Variants in IMPG1 observed in about 807,000 individuals in gnomAD.
The protein encoded by IMPG1 is interphotoreceptor matrix proteoglycan 1.
In IMPG1, 85 loss-of-function variants were observed where a neutral mutation model predicts 92.0. The ratio of observed to expected loss-of-function variants is 0.92; its 90% CI spans 0.78 to 1.11. The LOEUF (loss-of-function observed/expected upper bound fraction) is 1.11, where lower values mean the gene tolerates loss of function less well. IMPG1 is among the 50% of genes least tolerant of loss of function. IMPG1 has a pLI of 0.00. For missense variants in IMPG1, 1,022 were observed against 956.0 expected, an observed-to-expected ratio of 1.07 and a Z score of -0.91; for synonymous variants, 367 against 334.1, an observed-to-expected ratio of 1.10 and a Z score of -1.08.
chr6:76,004,251 C>G (rs190644616), intron 10 of IMPG1, among the ~76,000 whole-genome samples: 26 of 152,164 alleles, frequency 1.7e-4, no homozygotes, highest in African/African-American at 6.3e-4. Context: ...TTATCTAAAC[C>G]ATTAGGGATA....
chr6:76,011,498 C>T (rs1473943111), intron 7 of IMPG1, among the ~76,000 whole-genome samples: 13 of 152,090 alleles, frequency 8.5e-5, no homozygotes, highest in Admixed American at 8.5e-4. Context: ...TAGTTCTGAT[C>T]TGCTCTTACG....
chr6:76,052,895 T>C (rs1784066164), intron 1 of IMPG1, among the ~76,000 whole-genome samples: 1 of 152,152 alleles, frequency 6.6e-6, no homozygotes, highest in Admixed American at 6.6e-5. Context: ...TACACTAAGA[T>C]TGTCAACCAG....
intron 12 of IMPG1, among the ~76,000 whole-genome samples, chr6:75,992,109 G>C (rs1372537930): frequency 6.6e-6 from 1 of 152,250 alleles, no homozygotes; most frequent in Non-Finnish European, 1.5e-5. Flanking sequence ...ATAGGAAAAA[G>C]ACTGATGTCT....
intron 12 of IMPG1, among the ~76,000 whole-genome samples, chr6:75,954,852 G>A (rs992294883): frequency 1.3e-5 from 2 of 152,088 alleles, no homozygotes; most frequent in Admixed American, 6.6e-5. Context: ...TTTCCCAACA[G>A]CATTTATTAA....
chr6:76,052,932 C>T (rs969673963), intron 1 of IMPG1, among the ~76,000 whole-genome samples: 2 of 152,102 alleles, frequency 1.3e-5, no homozygotes, highest in Non-Finnish European at 2.9e-5. Context: ...TACATGGCTG[C>T]CTAGTTTTCA....
chr6:75,993,880 G>A (rs923441216), intron 12 of IMPG1, among the ~76,000 whole-genome samples: 1 of 152,274 alleles, frequency 6.6e-6, no homozygotes. Context: ...GCGCTCAATA[G>A]GTTTGTCCTA....
Position 76,005,471 on chromosome 6 carries a change from G to T in IMPG1, c.951C>A (p.Ser317Arg), listed in dbSNP as rs1053873773. Residue 317 changes from serine to arginine, a missense_variant, in exon 10 of 17, where the codon AGC (serine) becomes AGA (arginine). Ser to Arg is a moderately radical substitution (Grantham distance 110, BLOSUM62 -1). Coordinates refer to ENST00000369950, the MANE Select transcript of IMPG1 (RefSeq NM_001563.4). Reference protein sequence around the residue: ...IFKRHSAEAKSPASDLLSFDS... With the variant: ...IFKRHSAEAKRPASDLLSFDS... ...CAAAAGACAGGAGGTCACTTGCAGG[G>T]CTTTTTGCTTCTGCACTGTGTCTCT... is the stretch of plus-strand genomic sequence containing the variant. The T allele has an allele frequency of 6.2e-7, 1 of 1,613,524 alleles. No homozygotes were observed. The highest frequency in any genetic ancestry group is 1.3e-5 in the African/African-American group (1 of 74,870).
chr6:75,997,253 T>C (rs1298966889), intron 12 of IMPG1, among the ~76,000 whole-genome samples: 3 of 152,204 alleles, frequency 2.0e-5, no homozygotes, highest in Non-Finnish European at 4.4e-5. Flanking sequence ...TAAACTTCTG[T>C]TAGGAAAACC....
intron 4 of IMPG1, among the ~76,000 whole-genome samples, chr6:76,026,213 A>G (rs1783531459): frequency 6.6e-6 from 1 of 152,208 alleles, no homozygotes; most frequent in Non-Finnish European, 1.5e-5. Context: ...CTCACCCTTC[A>G]AACCATCTGC....
chr6:75,997,133 A>ATTGTATC (rs1782914636), intron 12 of IMPG1, among the ~76,000 whole-genome samples: 1 of 152,182 alleles, frequency 6.6e-6, no homozygotes. Flanking sequence ...CATCATAAAG[A>ATTGTATC]TTGTATCTAG....
rs145432670 is a variant in IMPG1 at position 76,001,552 on chromosome 6, A to G, written c.1291+1366T>C. 8.5e-5 allele frequency among the ~76,000 whole-genome samples: 13 copies of G among 152,296 alleles called. 1 individual carries two copies. The highest frequency in any genetic ancestry group is 2.9e-4 in the African/African-American group (12 of 41,564). On this transcript the variant is annotated intron_variant, in intron 12 of 16. Transcript: ENST00000369950. The stretch of plus-strand genomic sequence containing the variant: ...ATTAGAATACTGACACTCTGAACTC[A>G]GCTACCATGCTGTGGTGAAACCCAA...
intron 12 of IMPG1, among the ~76,000 whole-genome samples, chr6:75,999,607 G>C (rs116955222): frequency 1.3e-5 from 2 of 152,010 alleles, no homozygotes; most frequent in African/African-American, 4.8e-5. Context: ...ATGTATAACT[G>C]TCTTTTTATC....
intron 1 of IMPG1, among the ~76,000 whole-genome samples, chr6:76,058,844 T>C (rs1179021105): frequency 2.6e-5 from 4 of 152,148 alleles, no homozygotes; most frequent in Non-Finnish European, 5.9e-5. Context: ...GGCTCAGGAA[T>C]GAGAGTAGAA....
intron 15 of IMPG1, among the ~76,000 whole-genome samples, chr6:75,924,546 TATAATTAATA>T (rs1165988178): frequency 4.4e-5 from 2 of 45,696 alleles, no homozygotes; most frequent in African/African-American, 7.9e-5. Context: ...AATTATATAA[TATAATTAATA>T]TAATTATATA....
chr6:75,980,723 T>A (rs111835271), intron 12 of IMPG1, among the ~76,000 whole-genome samples: 11 of 152,346 alleles, frequency 7.2e-5, no homozygotes, highest in African/African-American at 2.6e-4. Flanking sequence ...TTGGCTTCCC[T>A]ACTTTTGAGG....
At position 75,941,124 on chromosome 6, in the gene IMPG1, G is replaced by A. The variant is rs138233950; in HGVS notation, c.2044+6190C>T. Among the ~76,000 whole-genome samples, 275 of 151,368 alleles carry A rather than the reference G, an allele frequency of 1.8e-3. 2 individuals carry two copies. The highest frequency in any genetic ancestry group is 6.4e-3 in the African/African-American group (263 of 41,288). ...GCTCCTTGGGGGCAGAGATGGGGTC[G>A]ATTCATCTTTTGGTCCTTGTGGCTA... is the stretch of plus-strand genomic sequence containing the variant. On this transcript the variant is annotated intron_variant, in intron 14 of 16. Transcript: ENST00000369950.
chr6:76,040,562 G>A (rs895772164), intron 2 of IMPG1, among the ~76,000 whole-genome samples: 2 of 152,196 alleles, frequency 1.3e-5, no homozygotes, highest in Non-Finnish European at 2.9e-5. Flanking sequence ...GCATTGGCTA[G>A]TACCTGCTCT....
chr6:76,026,041 C>T (rs1440238076), intron 4 of IMPG1, among the ~76,000 whole-genome samples: 1 of 152,108 alleles, frequency 6.6e-6, no homozygotes, highest in East Asian at 1.9e-4. Flanking sequence ...TGGGGAGGAG[C>T]CTGGCCCCTC....
intron 6 of IMPG1, among the ~76,000 whole-genome samples, chr6:76,020,178 A>T (rs1280969343): frequency 1.3e-5 from 2 of 152,056 alleles, no homozygotes; most frequent in Non-Finnish European, 2.9e-5. Context: ...TCAGCCTCTC[A>T]AGTAGCTGGG....
Sources: gnomAD v4.1 joint callset for allele counts (sites outside exome capture counted in the v4.1 genomes callset) on GRCh38, gnomAD v4.1.1 for gene constraint, MANE v1.5 for transcripts, NCBI Gene and HGNC (gene_info 2026-07-23, HGNC 2026-07-21) for gene names.